Variants in IL1RAPL2 observed in about 807,000 individuals in gnomAD.
IL1RAPL2 encodes the protein X-linked interleukin-1 receptor accessory protein-like 2.
IL1RAPL2 carries 3 observed loss-of-function variants against 44.1 expected under a neutral mutation model. The ratio of observed to expected loss-of-function variants is 0.07; its 90% CI spans 0.03 to 0.18. The LOEUF is 0.18. Among genes scored for constraint, IL1RAPL2 ranks in the 10% least tolerant of loss-of-function variants. The probability of loss-of-function intolerance (pLI) is 1.00; values close to 1 mark genes in which losing one functional copy is unlikely to be tolerated. For synonymous variants in IL1RAPL2, 181 were observed against 178.8 expected, an observed-to-expected ratio of 1.01 and a Z score of -0.10; for missense variants, 391 against 496.4, an observed-to-expected ratio of 0.79 and a Z score of 2.02.
At chrX:104,744,379 G>A in intron 2 of IL1RAPL2, among the ~76,000 whole-genome samples, 1 of 111,051 alleles carries the variant, frequency 9.0e-6, no homozygotes, top group Non-Finnish European at 1.9e-5. Context: ...GCAAATTTCT[G>A]CTGGAAGGAT....
chrX:104,821,214 A>G (rs1051918864), intron 2 of IL1RAPL2, among the ~76,000 whole-genome samples: 2 of 111,112 alleles, frequency 1.8e-5, no homozygotes, highest in African/African-American at 6.5e-5. Flanking sequence ...ACAACAAATT[A>G]TTTTTGTCTA....
At chrX:105,470,047 AAAAC>A (rs1398639531) in intron 5 of IL1RAPL2, among the ~76,000 whole-genome samples, 1 of 111,431 alleles carries the variant, frequency 9.0e-6, no homozygotes, top group African/African-American at 3.3e-5. Context: ...TTAAAACACC[AAAAC>A]AAACAAACAA....
chrX:105,670,133 AT>A (rs2037807956), intron 6 of IL1RAPL2, among the ~76,000 whole-genome samples: 1 of 49,348 alleles, frequency 2.0e-5, no homozygotes, highest in African/African-American at 7.8e-5. Flanking sequence ...ATATATATAT[AT>A]ATATATATAT....
At chrX:105,741,456 A>G (rs1177242316) in intron 8 of IL1RAPL2, among the ~76,000 whole-genome samples, 3 of 111,841 alleles carry the variant, frequency 2.7e-5, no homozygotes, top group Non-Finnish European at 1.9e-5. Context: ...AATGTAGCAG[A>G]ACAAATGTTC....
At chrX:105,489,787 T>TTCTCTCTCTCTCTCTCTCTC (rs36081932) in intron 6 of IL1RAPL2, among the ~76,000 whole-genome samples, 10 of 73,383 alleles carry the variant, frequency 1.4e-4, no homozygotes, top group African/African-American at 4.8e-4. Flanking sequence ...CTTTCTCTCT[T>TTCTCTCTCTCTCTCTCTCTC]TCTCTCTCTC....
intron 2 of IL1RAPL2, among the ~76,000 whole-genome samples, chrX:105,028,434 C>T (rs2031415552): frequency 9.0e-6 from 1 of 111,506 alleles, no homozygotes; most frequent in African/African-American, 3.3e-5. Flanking sequence ...ATCAAAACAT[C>T]TCATGTATCC....
chrX:104,688,076 C>T (rs920195075), intron 2 of IL1RAPL2, among the ~76,000 whole-genome samples: 2 of 112,108 alleles, frequency 1.8e-5, no homozygotes, highest in South Asian at 3.7e-4. Context: ...TCTCTCCCCG[C>T]CAGGCTCCTG....
chrX:105,071,554 A>C (rs942770328), intron 2 of IL1RAPL2, among the ~76,000 whole-genome samples: 1 of 111,799 alleles, frequency 8.9e-6, no homozygotes, highest in African/African-American at 3.3e-5. Flanking sequence ...AAGATCCCAA[A>C]GAGCCAAAAC....
intron 2 of IL1RAPL2, among the ~76,000 whole-genome samples, chrX:105,075,460 A>G (rs1296405525): frequency 9.0e-6 from 1 of 111,138 alleles, no homozygotes; most frequent in Non-Finnish European, 1.9e-5. Flanking sequence ...TTTATTGAGG[A>G]TTTTTGCATC....
At chrX:104,948,630 A>G (rs1486124406) in intron 2 of IL1RAPL2, among the ~76,000 whole-genome samples, 13 of 111,015 alleles carry the variant, frequency 1.2e-4, no homozygotes, top group African/African-American at 3.3e-4. Context: ...AGCATGAAGC[A>G]TTGTTGAATT....
At chrX:105,001,847 CAG>C (rs1457135933) in intron 2 of IL1RAPL2, among the ~76,000 whole-genome samples, 1 of 110,835 alleles carries the variant, frequency 9.0e-6, no homozygotes, top group African/African-American at 3.3e-5. Context: ...TAGGTAAACT[CAG>C]GGGAGAAAAA....
At chrX:105,651,393 A>G (rs1602503137) in intron 6 of IL1RAPL2, among the ~76,000 whole-genome samples, 2 of 111,961 alleles carry the variant, frequency 1.8e-5, no homozygotes, top group Admixed American at 1.9e-4. Context: ...ATTACTTTAG[A>G]GATTATACAA....
chrX:104,733,318 G>A (rs1009975043), intron 2 of IL1RAPL2, among the ~76,000 whole-genome samples: 12 of 111,077 alleles, frequency 1.1e-4, no homozygotes, highest in East Asian at 5.6e-4. Context: ...AGGACCGGGC[G>A]CAGTGGCACA....
At chrX:105,727,716 C>G (rs1409975910) in intron 7 of IL1RAPL2, among the ~76,000 whole-genome samples, 1 of 111,606 alleles carries the variant, frequency 9.0e-6, no homozygotes, top group Non-Finnish European at 1.9e-5. Context: ...TAGAGGAAGT[C>G]AATAATGAGA....
At chrX:104,968,922 A>G (rs1213337010) in intron 2 of IL1RAPL2, among the ~76,000 whole-genome samples, 1 of 109,539 alleles carries the variant, frequency 9.1e-6, no homozygotes, top group Non-Finnish European at 1.9e-5. Context: ...CACTTAATCT[A>G]TATATTCAAT....
intron 4 of IL1RAPL2, among the ~76,000 whole-genome samples, chrX:105,236,332 C>A (rs1556201695): frequency 1.8e-5 from 2 of 112,283 alleles, no homozygotes; most frequent in Non-Finnish European, 3.7e-5. Flanking sequence ...AAGCAACAGG[C>A]CTTTCCAGCT....
At position 105,490,777 on chromosome X, in the gene IL1RAPL2, G is replaced by T. The variant is rs1221130667; in HGVS notation, c.772+6390G>T. On this transcript the variant is annotated intron_variant, in intron 6 of 10. Coordinates refer to ENST00000372582, the MANE Select transcript of IL1RAPL2 (RefSeq NM_017416.2). ...CTGAAAATACAGAGGTGAATTAAAT[G>T]AATTTCTTGGCCTTAAGGAGTTCTC... Among the ~76,000 whole-genome samples, 12 of 112,217 alleles carry T rather than the reference G, an allele frequency of 1.1e-4. No homozygotes were observed. In the East Asian group the frequency reaches 3.4e-3, roughly 31 times the overall value.
chrX:105,090,536 TGA>T (rs1037538587), intron 2 of IL1RAPL2, among the ~76,000 whole-genome samples: 1 of 112,072 alleles, frequency 8.9e-6, no homozygotes, highest in African/African-American at 3.2e-5. Flanking sequence ...GCACATTGTG[TGA>T]GAAAAAAACT....
intron 2 of IL1RAPL2, among the ~76,000 whole-genome samples, chrX:104,861,097 A>T (rs1922481770): frequency 8.9e-6 from 1 of 111,775 alleles, no homozygotes; most frequent in Non-Finnish European, 1.9e-5. Flanking sequence ...CTTGCTAACC[A>T]CTACCCCTTG....
Sources: gnomAD v4.1 joint callset for allele counts (sites outside exome capture counted in the v4.1 genomes callset) on GRCh38, gnomAD v4.1.1 for gene constraint, MANE v1.5 for transcripts, NCBI Gene and HGNC (gene_info 2026-07-23, HGNC 2026-07-21) for gene names.